The following RAMP1 variants were observed in gnomAD, a reference collection of about 807,000 sequenced individuals.
RAMP1 encodes receptor activity-modifying protein 1.
A neutral mutation model predicts 8.2 loss-of-function variants in RAMP1; 7 were observed. That is an observed-to-expected ratio of 0.85 (90% CI 0.49 to 1.60). RAMP1 has a LOEUF of 1.60. RAMP1 is among the 40% of genes most tolerant of loss of function. The pLI is 0.00. For missense variants in RAMP1, 192 were observed against 202.4 expected, an observed-to-expected ratio of 0.95 and a Z score of 0.31; for synonymous variants, 92 against 84.7, an observed-to-expected ratio of 1.09 and a Z score of -0.47.
At chr2:237,893,030 A>G (rs1450430881) in intron 2 of RAMP1, among the ~76,000 whole-genome samples, 1 of 152,184 alleles carries the variant, frequency 6.6e-6, no homozygotes, top group African/African-American at 2.4e-5. Context: ...TTTTAAATTC[A>G]GGAGATTATT....
chr2:237,899,233 G>C (rs926361502), intron 2 of RAMP1, among the ~76,000 whole-genome samples: 2 of 152,150 alleles, frequency 1.3e-5, no homozygotes, highest in African/African-American at 2.4e-5. Context: ...GCCACACCCA[G>C]CTAATTTTTT....
At chr2:237,882,524 C>T (rs73092523) in intron 2 of RAMP1, among the ~76,000 whole-genome samples, 13,715 of 152,160 alleles carry the variant, frequency 0.09, 661 homozygotes, top group Middle Eastern at 0.17. Flanking sequence ...TGGTTCCCGG[C>T]GGAGGTGGAG....
At chr2:237,875,223 TG>T (rs2062289284) in intron 1 of RAMP1, among the ~76,000 whole-genome samples, 1 of 151,958 alleles carries the variant, frequency 6.6e-6, no homozygotes, top group African/African-American at 2.4e-5. Flanking sequence ...CTGCCCTGAC[TG>T]GGGGTGAAAG....
chr2:237,891,771 G>A (rs1333313490), intron 2 of RAMP1, among the ~76,000 whole-genome samples: 1 of 152,110 alleles, frequency 6.6e-6, no homozygotes, highest in Non-Finnish European at 1.5e-5. Flanking sequence ...GCTCCTTTAT[G>A]TGTTGCTGAA....
At chr2:237,894,452 C>T (rs2062517524) in intron 2 of RAMP1, among the ~76,000 whole-genome samples, 2 of 152,298 alleles carry the variant, frequency 1.3e-5, no homozygotes, top group Admixed American at 1.3e-4. Flanking sequence ...GGAGCTAGGC[C>T]AGGGCGAGGC....
chr2:237,903,922 A>G (rs2062630441), intron 2 of RAMP1, among the ~76,000 whole-genome samples: 1 of 151,988 alleles, frequency 6.6e-6, no homozygotes, highest in Non-Finnish European at 1.5e-5. Context: ...ATTTTTTTGT[A>G]GAGACAAGGT....
At chr2:237,870,480 A>G (rs1267301321) in intron 1 of RAMP1, among the ~76,000 whole-genome samples, 2 of 151,898 alleles carry the variant, frequency 1.3e-5, no homozygotes, top group Admixed American at 1.3e-4. Context: ...CTTATTTTCC[A>G]TTTTCTGTTT....
At chr2:237,859,483 A>G, upstream of RAMP1, 1 of 175,110 alleles carries the variant, frequency 5.7e-6, no homozygotes, top group Non-Finnish European at 1.1e-5. Flanking sequence ...GCAAAGTTTT[A>G]CCGGCCCTGG....
chr2:237,863,692 G>A (rs1191251346), intron 1 of RAMP1, among the ~76,000 whole-genome samples: 2 of 152,054 alleles, frequency 1.3e-5, no homozygotes, highest in African/African-American at 4.8e-5. Flanking sequence ...GCAGGGTCCA[G>A]GGGGACACAC....
At chr2:237,874,562 A>T (rs1035013689) in intron 1 of RAMP1, 2 of 678,256 alleles carry the variant, frequency 2.9e-6, no homozygotes, top group African/African-American at 3.9e-5. Flanking sequence ...GTTCATCTTC[A>T]TTTGTCCTAG....
At chr2:237,903,021 C>CTTTA (rs904469110) in intron 2 of RAMP1, among the ~76,000 whole-genome samples, 1 of 152,096 alleles carries the variant, frequency 6.6e-6, no homozygotes, top group African/African-American at 2.4e-5. Flanking sequence ...CTTTTCAAAA[C>CTTTA]TTTATTTATT....
At chr2:237,909,792 G>A (rs557453759) in intron 2 of RAMP1, among the ~76,000 whole-genome samples, 4 of 152,254 alleles carry the variant, frequency 2.6e-5, no homozygotes, top group Admixed American at 2.0e-4. Flanking sequence ...GGAGAAAGTT[G>A]TTCAGAAACA....
intron 2 of RAMP1, among the ~76,000 whole-genome samples, chr2:237,888,663 A>G (rs2062459568): frequency 6.6e-6 from 1 of 151,952 alleles, no homozygotes; most frequent in Non-Finnish European, 1.5e-5. Flanking sequence ...TTTTTTTAAG[A>G]CTTTATTTTT....
intron 2 of RAMP1, among the ~76,000 whole-genome samples, chr2:237,895,095 C>T (rs896554677): frequency 4.6e-5 from 7 of 152,182 alleles, no homozygotes; most frequent in Admixed American, 1.3e-4. Flanking sequence ...CCTGGAGCCA[C>T]GGCCCCCCAG....
chr2:237,860,810 C>T (rs556696261), intron 1 of RAMP1, among the ~76,000 whole-genome samples: 1 of 152,232 alleles, frequency 6.6e-6, no homozygotes, highest in South Asian at 2.1e-4. Flanking sequence ...GGTTCGTGGC[C>T]CAGCGAGGAG....
chr2:237,884,234 G>A (rs897386631), intron 2 of RAMP1, among the ~76,000 whole-genome samples: 2 of 152,176 alleles, frequency 1.3e-5, no homozygotes, highest in Admixed American at 1.3e-4. Context: ...AGGCTCCCCT[G>A]CAAGCTGGCT....
intron 2 of RAMP1, among the ~76,000 whole-genome samples, chr2:237,897,911 G>C (rs531477214): frequency 6.6e-6 from 1 of 152,198 alleles, no homozygotes; most frequent in South Asian, 2.1e-4. Context: ...CCATTCTCCT[G>C]CCTCAGCCTC....
chr2:237,898,815 G>A (rs1298803236), intron 2 of RAMP1, among the ~76,000 whole-genome samples: 2 of 152,176 alleles, frequency 1.3e-5, no homozygotes, highest in Admixed American at 6.5e-5. Context: ...CACACCTGAC[G>A]CACGCCAGGC....
At chr2:237,880,867 G>T (rs1196866749) in intron 2 of RAMP1, among the ~76,000 whole-genome samples, 1 of 152,186 alleles carries the variant, frequency 6.6e-6, no homozygotes, top group African/African-American at 2.4e-5. Flanking sequence ...ACTAGTGTTT[G>T]ACTGAGTAAC....
Sources: gnomAD v4.1 joint callset for allele counts (sites outside exome capture counted in the v4.1 genomes callset) on GRCh38, gnomAD v4.1.1 for gene constraint, MANE v1.5 for transcripts, NCBI Gene and HGNC (gene_info 2026-07-23, HGNC 2026-07-21) for gene names.